DGKI: variants seen among roughly 807,000 people sequenced by gnomAD.
DGKI encodes the protein diacylglycerol kinase iota.
Under a neutral mutation model 147.5 loss-of-function variants are expected in DGKI, and 55 were observed. That is an observed-to-expected ratio of 0.37 (90% CI 0.30 to 0.47). The LOEUF is 0.47. Ranked by LOEUF, DGKI falls within the 20% of genes least tolerant of loss-of-function variation. The probability of loss-of-function intolerance (pLI) is 1.00; values close to 1 mark genes in which losing one functional copy is unlikely to be tolerated. For synonymous variants in DGKI, 469 were observed against 477.1 expected (o/e 0.98, Z 0.22); for missense variants, 1,007 against 1,323.8 (o/e 0.76, Z 3.71).
At position 137,466,187 on chromosome 7, in the gene DGKI, G is replaced by A. The variant is rs76871008; in HGVS notation, c.2485-152C>T. On this transcript the variant is annotated intron_variant, in intron 25 of 32. Coordinates refer to ENST00000614521, the MANE Select transcript of DGKI (RefSeq NM_001321708.2). ...TGATCCTCCCCAAAGCTGCGCTAAC[G>A]CAGACAGTGGGAGATAGGGAGAGAT... 397 of 897,788 alleles carry A rather than the reference G, an allele frequency of 4.4e-4. 4 individuals are homozygous for A. In the South Asian group the frequency reaches 6.0e-3, roughly 14 times the overall value. The allele number at this position is 897,788 out of a possible 1,614,324, so 55.6% of individuals were successfully genotyped here. A position where few individuals can be genotyped will look rare whatever the true frequency, so the allele number is the denominator to read the frequency against.
chr7:137,561,580 C>A (rs574633766), intron 19 of DGKI, among the ~76,000 whole-genome samples: 1 of 152,224 alleles, frequency 6.6e-6, no homozygotes, highest in African/African-American at 2.4e-5. Context: ...ATGTTCCCAA[C>A]ACAAAGAAAT....
At chr7:137,483,631 G>T (rs1401564492) in intron 23 of DGKI, among the ~76,000 whole-genome samples, 1 of 151,938 alleles carries the variant, frequency 6.6e-6, no homozygotes. Context: ...AGTGTGTGTT[G>T]TTCCCCTCTC....
chr7:137,391,397 T>C, intron 32 of DGKI, 61 bp from the exon 33 acceptor site: 1 of 1,213,822 alleles, frequency 8.2e-7, no homozygotes, highest in Non-Finnish European at 1.1e-6. Flanking sequence ...GCGCTAGTCG[T>C]GAAATACAAA....
intron 27 of DGKI, among the ~76,000 whole-genome samples, chr7:137,454,142 C>T (rs1322294709): frequency 2.6e-5 from 4 of 152,088 alleles, no homozygotes; most frequent in Non-Finnish European, 5.9e-5. Flanking sequence ...GTCCTCACCA[C>T]AAAAATAACT....
intron 1 of DGKI, among the ~76,000 whole-genome samples, chr7:137,719,899 G>T (rs138785585): frequency 6.6e-6 from 1 of 152,198 alleles, no homozygotes; most frequent in East Asian, 1.9e-4. Context: ...CAGTAACCTG[G>T]TCCTGAAACA....
At chr7:137,528,178 A>C (rs1817218313) in intron 20 of DGKI, among the ~76,000 whole-genome samples, 1 of 152,186 alleles carries the variant, frequency 6.6e-6, no homozygotes, top group Admixed American at 6.5e-5. Context: ...TTTGTGAAAA[A>C]GTCATAACTG....
intron 15 of DGKI, among the ~76,000 whole-genome samples, chr7:137,580,709 G>A (rs899554539): frequency 2.0e-5 from 3 of 152,094 alleles, no homozygotes; most frequent in African/African-American, 7.2e-5. Context: ...TTTTAATCCT[G>A]TAGCATCACT....
At chr7:137,466,789 CA>C in intron 25 of DGKI, 112 bp downstream of exon 25, 2 of 1,086,514 alleles carry the variant, frequency 1.8e-6, no homozygotes. Context: ...AACACCATTC[CA>C]AAATTTGTGT....
intron 1 of DGKI, among the ~76,000 whole-genome samples, chr7:137,715,453 G>GTGGAAAGTTA (rs1794347337): frequency 6.6e-6 from 1 of 152,204 alleles, no homozygotes; most frequent in Non-Finnish European, 1.5e-5. Flanking sequence ...GTGGAGCAGG[G>GTGGAAAGTTA]TGGAAAGTTA....
intron 1 of DGKI, among the ~76,000 whole-genome samples, chr7:137,740,996 G>C (rs1302883906): frequency 6.6e-6 from 1 of 152,110 alleles, no homozygotes; most frequent in Non-Finnish European, 1.5e-5. Flanking sequence ...CTGATAAAAA[G>C]GGTGGCTAAG....
intron 30 of DGKI, among the ~76,000 whole-genome samples, chr7:137,398,377 T>A (rs771802556): frequency 1.1e-4 from 17 of 152,216 alleles, no homozygotes; most frequent in Non-Finnish European, 2.4e-4. Flanking sequence ...TGGCCCATGC[T>A]TTGTCTAGCA....
intron 1 of DGKI, among the ~76,000 whole-genome samples, chr7:137,812,805 A>G (rs1345010737): frequency 2.0e-5 from 3 of 152,178 alleles, no homozygotes; most frequent in African/African-American, 7.2e-5. Flanking sequence ...CCTGTGTTCT[A>G]CTCACTAAGC....
chr7:137,790,270 ACT>A (rs1223880161), intron 1 of DGKI, among the ~76,000 whole-genome samples: 1 of 145,756 alleles, frequency 6.9e-6, no homozygotes, highest in South Asian at 2.2e-4. Context: ...ACACACACAC[ACT>A]GGAACCACTC....
chr7:137,546,767 G>C (rs1817881091), intron 20 of DGKI, among the ~76,000 whole-genome samples: 2 of 152,158 alleles, frequency 1.3e-5, no homozygotes, highest in South Asian at 4.1e-4. Context: ...AACTACATTA[G>C]ACCTAGTTCC....
At chr7:137,506,082 T>C (rs140372371) in intron 21 of DGKI, among the ~76,000 whole-genome samples, 1 of 152,216 alleles carries the variant, frequency 6.6e-6, no homozygotes, top group Non-Finnish European at 1.5e-5. Flanking sequence ...ACTCTTACCA[T>C]GCAATCTAGC....
intron 1 of DGKI, among the ~76,000 whole-genome samples, chr7:137,842,970 A>G (rs1798590348): frequency 6.6e-6 from 1 of 152,152 alleles, no homozygotes; most frequent in South Asian, 2.1e-4. Context: ...GCCTAAAATA[A>G]ATGTTTAGGG....
chr7:137,411,964 T>G (rs567057896), intron 29 of DGKI, among the ~76,000 whole-genome samples: 1 of 152,286 alleles, frequency 6.6e-6, no homozygotes, highest in South Asian at 2.1e-4. Context: ...GGACATGCAG[T>G]TCATTTTAAG....
At chr7:137,610,681 A>T (rs1410948133) in intron 8 of DGKI, among the ~76,000 whole-genome samples, 1 of 152,214 alleles carries the variant, frequency 6.6e-6, no homozygotes, top group Non-Finnish European at 1.5e-5. Context: ...AAAGTTGTCA[A>T]ACAGCCTCAA....
At chr7:137,589,775 A>G (rs770011589) in intron 12 of DGKI, among the ~76,000 whole-genome samples, 2 of 152,178 alleles carry the variant, frequency 1.3e-5, no homozygotes, top group South Asian at 4.1e-4. Flanking sequence ...ACTCAGTAGA[A>G]ATCTAATTCA....
Sources: gnomAD v4.1 joint callset for allele counts (sites outside exome capture counted in the v4.1 genomes callset) on GRCh38, gnomAD v4.1.1 for gene constraint, MANE v1.5 for transcripts, NCBI Gene and HGNC (gene_info 2026-07-23, HGNC 2026-07-21) for gene names.